The following PCTP variants were observed in gnomAD, a reference collection of about 807,000 sequenced individuals.
PCTP encodes START domain-containing protein 2.
Under a neutral mutation model 31.0 loss-of-function variants are expected in PCTP, and 27 were observed. The ratio of observed to expected loss-of-function variants is 0.87; its 90% CI spans 0.64 to 1.20. The LOEUF (loss-of-function observed/expected upper bound fraction) is 1.20. PCTP is among the 50% of genes most tolerant of loss of function. The pLI, the probability that PCTP is intolerant of heterozygous loss-of-function variation, is 0.00. For synonymous variants in PCTP, 108 were observed against 101.2 expected, an observed-to-expected ratio of 1.07 and a Z score of -0.40; for missense variants, 287 against 268.2, an observed-to-expected ratio of 1.07 and a Z score of -0.49.
chr17:55,802,725 TAA>T (rs1912429232), intron 3 of PCTP, among the ~76,000 whole-genome samples: 1 of 152,160 alleles, frequency 6.6e-6, no homozygotes, highest in African/African-American at 2.4e-5. Flanking sequence ...CTCAACATAA[TAA>T]GAGCTATTTA....
chr17:55,828,969 G>A (rs1190568548), intron 5 of PCTP, among the ~76,000 whole-genome samples: 1 of 152,132 alleles, frequency 6.6e-6, no homozygotes, highest in Non-Finnish European at 1.5e-5. Flanking sequence ...GTTAAAAACG[G>A]AAGAGATGCA....
chr17:55,776,930 A>G lies in PCTP; in HGVS notation c.*830A>G. Reference sequence around the variant, plus strand: ...ATGGCTGTGGCAGCTAGCAAAAGCAAAGATGCTTTGTGCATAGCCTTGTGA... The same window carrying G: ...ATGGCTGTGGCAGCTAGCAAAAGCAGAGATGCTTTGTGCATAGCCTTGTGA... On this transcript the variant is annotated 3_prime_UTR_variant, in exon 6 of 6. Transcript: ENST00000268896. 1 of 987,926 alleles carries G rather than the reference A, an allele frequency of 1.0e-6. No individual in the cohort carries two copies. The highest frequency in any genetic ancestry group is 1.2e-6 in the Non-Finnish European group (1 of 831,688). 61.2% of individuals were successfully genotyped at this position (987,926 alleles called of 1,614,324 possible). A position where few individuals can be genotyped will look rare whatever the true frequency, so the allele number is the denominator to read the frequency against.
chr17:55,804,957 A>T (rs11652307), intron 3 of PCTP, among the ~76,000 whole-genome samples: 6,446 of 152,254 alleles, frequency 0.042, 443 homozygotes, highest in African/African-American at 0.14. Context: ...AAAACATTTT[A>T]TAGCAGTAAA....
rs1421825356 is a variant in PCTP, at chr17:55,804,914, T to G, written c.317+17260T>G. 3.9e-5 allele frequency among the ~76,000 whole-genome samples: 6 copies of G among 152,088 alleles called. 1 individual carries two copies. In the South Asian group the frequency reaches 1.0e-3, roughly 26 times the overall value. ...ACAGTAATATCATACAAAATAGATT[T>G]AAGGTGAAATTATTAATATGGGTTT... On this transcript the variant is annotated intron_variant, in intron 3 of 3. Transcript: ENST00000572536.
At chr17:55,824,051 A>G (rs1905315463), downstream of PCTP, among the ~76,000 whole-genome samples, 3 of 152,136 alleles carry the variant, frequency 2.0e-5, no homozygotes, top group Admixed American at 2.0e-4. Context: ...ACCATAGGGG[A>G]CTAAGTTCGG....
intron 1 of PCTP, 68 bp downstream of exon 1, chr17:55,751,312 T>A (rs1408418408): frequency 1.3e-6 from 2 of 1,515,006 alleles, no homozygotes; most frequent in Non-Finnish European, 1.8e-6. Context: ...CCGCAGGGAG[T>A]GCGGGGCGGC....
intron 3 of PCTP, among the ~76,000 whole-genome samples, chr17:55,791,631 G>A (rs1225941806): frequency 1.3e-5 from 2 of 150,996 alleles, no homozygotes; most frequent in Non-Finnish European, 3.0e-5. Context: ...AGTTAGAATG[G>A]CAATCATTAA....
intron 3 of PCTP, among the ~76,000 whole-genome samples, chr17:55,801,677 A>T (rs1912389206): frequency 6.6e-6 from 1 of 152,182 alleles, no homozygotes; most frequent in African/African-American, 2.4e-5. Context: ...GAGAACAAAG[A>T]CACAATGTAC....
chr17:55,765,303 A>G (rs1245841368), intron 1 of PCTP, among the ~76,000 whole-genome samples: 1 of 152,190 alleles, frequency 6.6e-6, no homozygotes, highest in Non-Finnish European at 1.5e-5. Context: ...ATGCTTAATA[A>G]ACATCTTAAA....
intron 1 of PCTP, among the ~76,000 whole-genome samples, chr17:55,757,967 C>T (rs1597972275): frequency 6.6e-6 from 1 of 152,112 alleles, no homozygotes; most frequent in African/African-American, 2.4e-5. Flanking sequence ...AAATGTGGTC[C>T]CCTGAGCAGT....
At chr17:55,825,666 T>TA (rs1049483903), downstream of PCTP, among the ~76,000 whole-genome samples, 27 of 152,290 alleles carry the variant, frequency 1.8e-4, no homozygotes, top group African/African-American at 4.6e-4. Flanking sequence ...AATATTTCTT[T>TA]AAAAAAATCT....
chr17:55,838,216 C>T (rs147391216), intron 5 of PCTP, among the ~76,000 whole-genome samples: 1 of 152,196 alleles, frequency 6.6e-6, no homozygotes. Flanking sequence ...ACTTTCTTTG[C>T]TCGTAAGCTT....
chr17:55,771,021 C>T (rs1910963014), intron 2 of PCTP, 85 bp from the exon 3 acceptor site: 3 of 1,006,550 alleles, frequency 3.0e-6, no homozygotes, highest in Non-Finnish European at 4.7e-6. Context: ...GCATGAGCCA[C>T]CATGCTTGGC....
chr17:55,775,605 T>G, intron 5 of PCTP: 1 of 1,188,268 alleles, frequency 8.4e-7, no homozygotes, highest in Non-Finnish European at 1.0e-6. Flanking sequence ...TTAGGAAAAG[T>G]CTTGCCCAGT....
chr17:55,751,121 A>T lies in PCTP; in HGVS notation c.18A>T (p.Gly6=), dbSNP rs748821688. MELAA[G]SFSEEQFWEA... ...GCGGAAGGATGGAGCTGGCCGCCGG[A>T]AGCTTCTCGGAGGAGCAGTTCTGGG... The change falls in exon 1 of 6, where the codon GGA becomes GGT. Residue 6 remains glycine (G), a synonymous_variant. Transcript: ENST00000268896. 1 of 1,542,016 alleles carries T rather than the reference A, an allele frequency of 6.5e-7. No homozygotes were observed. Among genetic ancestry groups the T allele is most frequent in the African/African-American group, 1.4e-5 (1 of 72,644 alleles).
intron 1 of PCTP, among the ~76,000 whole-genome samples, chr17:55,763,532 A>T (rs1455094948): frequency 2.0e-5 from 3 of 152,230 alleles, no homozygotes; most frequent in African/African-American, 7.2e-5. Flanking sequence ...TTGGAAACAA[A>T]TTTTTTTGGA....
In PCTP at chr17:55,767,453, G is replaced by A. The variant is rs200586323; in HGVS notation, c.259+1G>A. ...AAACAATGGGACCAGTATGTTAAAG[G>A]TGAGTGATGCTTGCTTTTCTTTTTT... On this transcript the variant is annotated splice_donor_variant, in intron 2 of 5. Coordinates refer to ENST00000268896, the MANE Select transcript of PCTP (RefSeq NM_021213.4). LOFTEE classifies it high-confidence loss of function. 1.9e-6 allele frequency: 3 copies of A among 1,560,644 alleles called. No homozygotes were observed. In the African/African-American group the frequency reaches 4.4e-5, roughly 23 times the overall value.
intron 5 of PCTP, among the ~76,000 whole-genome samples, chr17:55,841,412 G>A (rs1467135205): frequency 1.3e-5 from 2 of 152,160 alleles, no homozygotes; most frequent in Admixed American, 1.3e-4. Context: ...GCATGGAGGT[G>A]TCTCAGAATA....
intron 5 of PCTP, among the ~76,000 whole-genome samples, chr17:55,831,433 G>A (rs542621231): frequency 5.9e-5 from 9 of 152,192 alleles, no homozygotes; most frequent in African/African-American, 1.9e-4. Context: ...CCTGTTCTGC[G>A]GCTAATTCAC....
Sources: gnomAD v4.1 joint callset for allele counts (sites outside exome capture counted in the v4.1 genomes callset) on GRCh38, gnomAD v4.1.1 for gene constraint, MANE v1.5 for transcripts, NCBI Gene and HGNC (gene_info 2026-07-23, HGNC 2026-07-21) for gene names.